IFT88: variants seen among roughly 807,000 people sequenced by gnomAD.
The protein encoded by IFT88 is intraflagellar transport protein 88 homolog.
In IFT88, 74 loss-of-function variants were observed where a neutral mutation model predicts 119.5. That is an observed-to-expected ratio of 0.62 (90% CI 0.51 to 0.75). The LOEUF is 0.75. Among genes scored for constraint, IFT88 ranks in the 30% least tolerant of loss-of-function variants. IFT88 has a pLI of 0.00. For missense variants in IFT88, 961 were observed against 977.7 expected, an observed-to-expected ratio of 0.98 and a Z score of 0.23; for synonymous variants, 279 against 316.7, an observed-to-expected ratio of 0.88 and a Z score of 1.26.
chr13:20,613,373 A>C (rs964122985), intron 13 of IFT88, among the ~76,000 whole-genome samples: 1 of 152,112 alleles, frequency 6.6e-6, no homozygotes, highest in South Asian at 2.1e-4. Flanking sequence ...AATGCAGCTG[A>C]AAACTGCAGT....
intron 24 of IFT88, among the ~76,000 whole-genome samples, chr13:20,683,705 C>T (rs984094980): frequency 1.7e-4 from 26 of 152,152 alleles, no homozygotes; most frequent in African/African-American, 2.4e-5. Context: ...ATGGTTATTT[C>T]ACAGGTAGGA....
rs369280349 is a variant in IFT88 at position 20,583,111 on chromosome 13, T to C, written c.153+92T>C. 18 of 677,914 alleles carry C rather than the reference T, an allele frequency of 2.7e-5. No individual in the cohort carries two copies. In the African/African-American group the frequency reaches 2.8e-4, roughly 11 times the overall value. The allele number at this position is 677,914 out of a possible 1,614,324, so 42.0% of individuals were successfully genotyped here. ...CATTTTCACCTGTATATTCCTGTAGTGTTAAAGATTATAACCATCATTAAG... is the reference window on the plus strand; with the variant it reads ...CATTTTCACCTGTATATTCCTGTAGCGTTAAAGATTATAACCATCATTAAG... On this transcript the variant is annotated intron_variant, in intron 3 of 25. Transcript: ENST00000351808.
chr13:20,607,415 A>T, intron 13 of IFT88: 1 of 641,736 alleles, frequency 1.6e-6, no homozygotes, highest in Non-Finnish European at 3.0e-6. Context: ...GTCCCAGATC[A>T]TTATAAAGAA....
intron 13 of IFT88, among the ~76,000 whole-genome samples, chr13:20,609,540 A>G (rs2044098454): frequency 6.6e-6 from 1 of 152,058 alleles, no homozygotes; most frequent in South Asian, 2.1e-4. Flanking sequence ...GTGCATCACT[A>G]GAGACCAGCC....
chr13:20,643,334 A>C (rs980892730), intron 18 of IFT88, 121 bp from the exon 19 acceptor site: 15 of 713,590 alleles, frequency 2.1e-5, no homozygotes, highest in Non-Finnish European at 3.4e-5. Context: ...TATCCAGAGG[A>C]AACAGTATAC....
chr13:20,573,527 G>C (rs1385026003), intron 1 of IFT88, among the ~76,000 whole-genome samples: 1 of 152,102 alleles, frequency 6.6e-6, no homozygotes, highest in African/African-American at 2.4e-5. Context: ...TCTTTTTGTA[G>C]ACATATGTTT....
At chr13:20,669,866 A>C (rs536267689) in intron 23 of IFT88, among the ~76,000 whole-genome samples, 1 of 152,228 alleles carries the variant, frequency 6.6e-6, no homozygotes, top group African/African-American at 2.4e-5. Flanking sequence ...TCTTTCATCT[A>C]TGAAGGCAAG....
intron 14 of IFT88, among the ~76,000 whole-genome samples, chr13:20,616,668 G>A (rs932148607): frequency 6.6e-6 from 1 of 152,120 alleles, no homozygotes; most frequent in African/African-American, 2.4e-5. Flanking sequence ...ATCATCAAGC[G>A]ATGCCTTACT....
At position 20,653,949 on chromosome 13, in the gene IFT88, C is replaced by A. The variant is rs182392022; in HGVS notation, c.2002+21C>A. On this transcript the variant is annotated intron_variant, in intron 21 of 25. Coordinates refer to ENST00000351808, the MANE Select transcript of IFT88 (RefSeq NM_006531.5). ...AAGTGGTAAATGCTTTAGTTTTATT[C>A]ATTTTATAGATATTTTGCTTCTTTC... The A allele has an allele frequency of 3.8e-4, 561 of 1,485,294 alleles. 10 individuals carry two copies. The East Asian group carries it at 0.013, about 34-fold the overall frequency. The allele number at this position is 1,485,294 out of a possible 1,614,324, so 92.0% of individuals were successfully genotyped here.
At chr13:20,593,466 A>G (rs2041080483) in intron 7 of IFT88, among the ~76,000 whole-genome samples, 1 of 151,808 alleles carries the variant, frequency 6.6e-6, no homozygotes, top group Non-Finnish European at 1.5e-5. Flanking sequence ...CTAGAACTGG[A>G]ATTAGTCACT....
At chr13:20,607,055 G>T (rs78109555) in intron 13 of IFT88, among the ~76,000 whole-genome samples, 2,100 of 152,150 alleles carry the variant, frequency 0.014, 51 homozygotes, top group African/African-American at 0.047. Flanking sequence ...CAGCCACTTG[G>T]GCAGGATGGC....
chr13:20,617,881 C>G (rs564206475), intron 14 of IFT88, among the ~76,000 whole-genome samples: 10 of 151,306 alleles, frequency 6.6e-5, no homozygotes, highest in Non-Finnish European at 1.3e-4. Context: ...GCAATCTCCA[C>G]TTCCTGGGTT....
intron 17 of IFT88, among the ~76,000 whole-genome samples, chr13:20,640,202 C>T (rs1314252965): frequency 6.6e-6 from 1 of 151,970 alleles, no homozygotes; most frequent in African/African-American, 2.4e-5. Context: ...TCTTTTCATA[C>T]TCTTCTTATA....
intron 8 of IFT88, among the ~76,000 whole-genome samples, chr13:20,596,696 T>G (rs1349176702): frequency 6.6e-6 from 1 of 152,234 alleles, no homozygotes; most frequent in Non-Finnish European, 1.5e-5. Context: ...TTACTTTTAA[T>G]TTGCTTTGTT....
chr13:20,661,775 T>C, intron 22 of IFT88, among the ~76,000 whole-genome samples: 1 of 151,630 alleles, frequency 6.6e-6, no homozygotes, highest in Non-Finnish European at 1.5e-5. Context: ...AACAAAGAGA[T>C]AATTAAATTT....
chr13:20,613,440 T>C (rs2044978023), intron 13 of IFT88, among the ~76,000 whole-genome samples: 1 of 152,084 alleles, frequency 6.6e-6, no homozygotes, highest in African/African-American at 2.4e-5. Context: ...TAACAAGTAT[T>C]GGTAAGAGTG....
At chr13:20,619,402 A>G (rs1872707399) in intron 14 of IFT88, among the ~76,000 whole-genome samples, 2 of 152,276 alleles carry the variant, frequency 1.3e-5, no homozygotes, top group Middle Eastern at 3.4e-3. Flanking sequence ...GCTTTTCTTC[A>G]TTCTTTAACC....
chr13:20,582,852 A>G (rs2138339090), intron 2 of IFT88, 105 bp from the exon 3 acceptor site: 1 of 793,190 alleles, frequency 1.3e-6, no homozygotes. Context: ...ACAGTTGGCA[A>G]TAGATGAGTT....
intron 7 of IFT88, among the ~76,000 whole-genome samples, chr13:20,593,446 G>A (rs1172342380): frequency 1.3e-5 from 2 of 151,632 alleles, no homozygotes; most frequent in Non-Finnish European, 2.9e-5. Flanking sequence ...CCAGAGCTTG[G>A]GCTCTGGAAC....
Sources: gnomAD v4.1 joint callset for allele counts (sites outside exome capture counted in the v4.1 genomes callset) on GRCh38, gnomAD v4.1.1 for gene constraint, MANE v1.5 for transcripts, NCBI Gene and HGNC (gene_info 2026-07-23, HGNC 2026-07-21) for gene names.